KCTD1: variants seen among roughly 807,000 people sequenced by gnomAD.
The protein encoded by KCTD1 is BTB/POZ domain-containing protein KCTD1.
Under a neutral mutation model 66.0 loss-of-function variants are expected in KCTD1, and 24 were observed. The observed-to-expected ratio is 0.36, with a 90% CI of 0.26 to 0.51. The LOEUF is 0.51. Among genes scored for constraint, KCTD1 ranks in the 20% least tolerant of loss-of-function variants. The probability of loss-of-function intolerance (pLI) is 0.95; values close to 1 mark genes in which losing one functional copy is unlikely to be tolerated. For synonymous variants in KCTD1, 511 were observed against 517.2 expected (o/e 0.99, Z 0.16); for missense variants, 943 against 1,205.2 (o/e 0.78, Z 3.22).
intron 1 of KCTD1, among the ~76,000 whole-genome samples, chr18:26,635,552 C>T (rs78620022): frequency 0.014 from 2,136 of 152,306 alleles, 50 homozygotes; most frequent in African/African-American, 0.049. Flanking sequence ...CCCTCTCTGC[C>T]GTTCTGAGCA....
At chr18:26,628,602 T>C (rs1485489959) in intron 1 of KCTD1, among the ~76,000 whole-genome samples, 1 of 152,214 alleles carries the variant, frequency 6.6e-6, no homozygotes, top group East Asian at 1.9e-4. Context: ...GAGTGATTTC[T>C]TAAGTGGTGA....
intron 1 of KCTD1, among the ~76,000 whole-genome samples, chr18:26,546,026 A>G (rs1305530108): frequency 6.6e-6 from 1 of 151,996 alleles, no homozygotes; most frequent in Non-Finnish European, 1.5e-5. Context: ...CTAGGGGGAG[A>G]CAGCAATGTT....
intron 1 of KCTD1, chr18:26,655,748 A>G (rs1305738735): frequency 6.6e-6 from 1 of 152,236 alleles, no homozygotes; most frequent in African/African-American, 2.4e-5. Context: ...CGACAGTGCA[A>G]GTGTTCGAAA....
At chr18:26,503,201 T>C (rs1027136206) in intron 1 of KCTD1, among the ~76,000 whole-genome samples, 2 of 152,204 alleles carry the variant, frequency 1.3e-5, no homozygotes, top group Non-Finnish European at 2.9e-5. Context: ...CATTATTCTT[T>C]ATATGTTTCT....
At chr18:26,580,417 A>G (rs1286454991) in intron 1 of KCTD1, among the ~76,000 whole-genome samples, 2 of 152,092 alleles carry the variant, frequency 1.3e-5, no homozygotes, top group African/African-American at 4.8e-5. Flanking sequence ...CACCTTTATC[A>G]TTCAGTCAGA....
chr18:26,617,194 A>T (rs1987274292), intron 1 of KCTD1, among the ~76,000 whole-genome samples: 1 of 152,206 alleles, frequency 6.6e-6, no homozygotes, highest in Non-Finnish European at 1.5e-5. Flanking sequence ...CCATCCCAAA[A>T]TAACCTTTCC....
chr18:26,548,232 T>G lies in KCTD1; in HGVS notation c.305A>C (p.Asp102Ala). ...CGAGTCCTCGGGCTCCAGGGGCTCGTCCCAGTCCAGCCCCATCTCCTCCTC... is the reference window on the plus strand; with the variant it reads ...CGAGTCCTCGGGCTCCAGGGGCTCGGCCCAGTCCAGCCCCATCTCCTCCTC... Reference protein sequence around the residue: ...EEEEEMGLDWDEPLEPEDSAG... With the variant: ...EEEEEMGLDWAEPLEPEDSAG... Residue 102 changes from aspartate (D) to alanine (A), a missense_variant, in exon 1 of 5, where the codon GAC becomes GCC. Transcript: ENST00000580059. The G allele has an allele frequency of 1.3e-6, 2 of 1,510,268 alleles. No individual in the cohort carries two copies. Among genetic ancestry groups the G allele is most frequent in the South Asian group, 2.5e-5 (2 of 80,780 alleles). 93.6% of individuals were successfully genotyped at this position (1,510,268 alleles called of 1,614,324 possible).
intron 1 of KCTD1, among the ~76,000 whole-genome samples, chr18:26,556,430 A>G (rs1242505488): frequency 3.3e-5 from 5 of 152,170 alleles, no homozygotes; most frequent in South Asian, 4.1e-4. Context: ...AGTAAAAACA[A>G]TCTCCCCTGA....
At position 26,548,284 on chromosome 18, in the gene KCTD1, G is replaced by GC. The variant is rs1457788523; in HGVS notation, c.252dup (p.Leu85AlafsTer157). The GC allele has an allele frequency of 6.7e-7, 1 of 1,490,658 alleles. No individual in the cohort carries two copies. Among genetic ancestry groups the GC allele is most frequent in the Non-Finnish European group, 8.9e-7 (1 of 1,121,860 alleles). 92.3% of individuals were successfully genotyped at this position (1,490,658 alleles called of 1,614,324 possible). A position where few individuals can be genotyped will look rare whatever the true frequency, so the allele number is the denominator to read the frequency against. ...TCCTCCTCCTCCTCGTCCTCCTCCA[G>GC]CCCCCCACCTCCGTCCTCCTCCTCC... On this transcript the variant is annotated frameshift_variant, in exon 1 of 5. Transcript: ENST00000580059. LOFTEE classifies it high-confidence loss of function.
At chr18:26,653,588 C>A (rs1003903621) in intron 1 of KCTD1, among the ~76,000 whole-genome samples, 4 of 152,198 alleles carry the variant, frequency 2.6e-5, no homozygotes, top group African/African-American at 4.8e-5. Context: ...CTTTTTCTCA[C>A]CATTGTGTCT....
In KCTD1 at chr18:26,596,502, T is replaced by G. The variant is rs114746166; in HGVS notation, c.-16+32645A>C. ...GCAGCCCGAGGGGACTTAATTCTAA[T>G]TAAACACTAATTCTGACTCATGTGT... On this transcript the variant is annotated intron_variant, in intron 1 of 4. Transcript: ENST00000317932. 9.9e-3 allele frequency among the ~76,000 whole-genome samples: 1,511 copies of G among 152,334 alleles called. 25 individuals carry two copies. Among genetic ancestry groups the G allele is most frequent in the African/African-American group, 0.035 (1,453 of 41,572 alleles).
At chr18:26,602,848 T>A (rs1197758819) in intron 1 of KCTD1, among the ~76,000 whole-genome samples, 1 of 151,980 alleles carries the variant, frequency 6.6e-6, no homozygotes, top group Non-Finnish European at 1.5e-5. Context: ...AATATGAGAA[T>A]AGTAGTTTAT....
At chr18:26,499,023 A>G (rs1401130591) in intron 2 of KCTD1, among the ~76,000 whole-genome samples, 1 of 152,174 alleles carries the variant, frequency 6.6e-6, no homozygotes, top group African/African-American at 2.4e-5. Context: ...GAGTCAGTGG[A>G]AGGAGACCCA....
chr18:26,656,324 A>ACCCCCT (rs1988138803), intron 1 of KCTD1, among the ~76,000 whole-genome samples: 1 of 151,154 alleles, frequency 6.6e-6, no homozygotes, highest in Non-Finnish European at 1.5e-5. Flanking sequence ...CGCCGCCCCC[A>ACCCCCT]CCCCCTCCCC....
intron 1 of KCTD1, among the ~76,000 whole-genome samples, chr18:26,560,584 G>T (rs1240331134): frequency 6.6e-6 from 1 of 152,190 alleles, no homozygotes; most frequent in Non-Finnish European, 1.5e-5. Flanking sequence ...GGGACCCACT[G>T]CCCTTAGACT....
At chr18:26,561,769 C>A (rs779764227) in intron 1 of KCTD1, among the ~76,000 whole-genome samples, 1 of 152,202 alleles carries the variant, frequency 6.6e-6, no homozygotes, top group Non-Finnish European at 1.5e-5. Context: ...TGGATTGAAA[C>A]TCCTGAGCCA....
intron 1 of KCTD1, among the ~76,000 whole-genome samples, chr18:26,531,021 G>A (rs1473537608): frequency 1.3e-5 from 2 of 152,150 alleles, no homozygotes; most frequent in East Asian, 3.9e-4. Context: ...GGCAGGCATG[G>A]GGAATAGGGC....
In KCTD1 at chr18:26,616,462, C is replaced by CATAT. The variant is rs10639008; in HGVS notation, c.-16+12681_-16+12684dup. On this transcript the variant is annotated intron_variant, in intron 1 of 4. Transcript: ENST00000317932. ...ATGTTTACAGCTAATCCCTTACATA[C>CATAT]ATATATATATATATATACACACACA... 6.8e-3 allele frequency among the ~76,000 whole-genome samples: 1,001 copies of CATAT among 147,566 alleles called. 9 individuals carry two copies. Among genetic ancestry groups the CATAT allele is most frequent in the South Asian group, 0.022 (100 of 4,624 alleles).
intron 1 of KCTD1, among the ~76,000 whole-genome samples, chr18:26,571,639 T>C (rs986481867): frequency 6.6e-6 from 1 of 152,228 alleles, no homozygotes; most frequent in Non-Finnish European, 1.5e-5. Flanking sequence ...TTTTATTTAT[T>C]TATTTTTTAG....
Sources: gnomAD v4.1 joint callset for allele counts (sites outside exome capture counted in the v4.1 genomes callset) on GRCh38, gnomAD v4.1.1 for gene constraint, MANE v1.5 for transcripts, NCBI Gene and HGNC (gene_info 2026-07-23, HGNC 2026-07-21) for gene names.